The following CAMTA1 variants were observed in gnomAD, a reference collection of about 807,000 sequenced individuals.
CAMTA1 encodes calmodulin-binding transcription activator 1.
Under a neutral mutation model 170.9 loss-of-function variants are expected in CAMTA1, and 27 were observed. The observed-to-expected ratio is 0.16, with a 90% CI of 0.12 to 0.22. The LOEUF (loss-of-function observed/expected upper bound fraction) is 0.22. Ranked by LOEUF, CAMTA1 falls within the 10% of genes least tolerant of loss-of-function variation. The pLI is 1.00. For missense variants in CAMTA1, 1,619 were observed against 2,217.2 expected, an observed-to-expected ratio of 0.73 and a Z score of 5.42; for synonymous variants, 833 against 891.5, an observed-to-expected ratio of 0.93 and a Z score of 1.17.
chr1:7,525,078 G>A (rs561460653), intron 6 of CAMTA1, among the ~76,000 whole-genome samples: 3 of 152,166 alleles, frequency 2.0e-5, no homozygotes, highest in East Asian at 1.9e-4. Flanking sequence ...CCGCCCCCGC[G>A]TCGGCCCCCG....
chr1:7,616,051 C>T (rs1308981498), intron 6 of CAMTA1, among the ~76,000 whole-genome samples: 2 of 152,172 alleles, frequency 1.3e-5, no homozygotes, highest in Non-Finnish European at 2.9e-5. Flanking sequence ...TCCCATTTAC[C>T]ACCCTTTTAA....
intron 5 of CAMTA1, among the ~76,000 whole-genome samples, chr1:7,258,694 C>A (rs1667755874): frequency 6.6e-6 from 1 of 152,172 alleles, no homozygotes; most frequent in African/African-American, 2.4e-5. Flanking sequence ...TAGCTCTGGC[C>A]ATCACTTGAC....
At chr1:7,032,332 T>C (rs150656272) in intron 3 of CAMTA1, among the ~76,000 whole-genome samples, 5 of 152,334 alleles carry the variant, frequency 3.3e-5, no homozygotes, top group Admixed American at 6.5e-5. Flanking sequence ...TTTATCTCTT[T>C]TGTTGGCTGG....
chr1:7,174,191 T>C (rs2148843049), intron 4 of CAMTA1, among the ~76,000 whole-genome samples: 1 of 152,302 alleles, frequency 6.6e-6, no homozygotes, highest in East Asian at 1.9e-4. Context: ...GGAAAATGGT[T>C]GTATTATTCT....
At chr1:6,808,118 T>A (rs1644736015) in intron 1 of CAMTA1, among the ~76,000 whole-genome samples, 1 of 151,796 alleles carries the variant, frequency 6.6e-6, no homozygotes, top group African/African-American at 2.4e-5. Flanking sequence ...TTCATGTGCA[T>A]ATGGGTAGGT....
chr1:6,890,468 T>G (rs1334593111), intron 3 of CAMTA1, among the ~76,000 whole-genome samples: 1 of 152,128 alleles, frequency 6.6e-6, no homozygotes, highest in Non-Finnish European at 1.5e-5. Context: ...CAGCTTGGGG[T>G]GGGCCTTCAG....
intron 4 of CAMTA1, among the ~76,000 whole-genome samples, chr1:7,103,078 G>T (rs1211392489): frequency 6.6e-6 from 1 of 152,070 alleles, no homozygotes; most frequent in Non-Finnish European, 1.5e-5. Flanking sequence ...TGCATGGGGT[G>T]GGGGAGGTTG....
chr1:7,340,035 A>G (rs2083680345), intron 5 of CAMTA1, among the ~76,000 whole-genome samples: 1 of 152,238 alleles, frequency 6.6e-6, no homozygotes, highest in Admixed American at 6.5e-5. Flanking sequence ...CCCAGGAATC[A>G]GCAAATTTTT....
intron 21 of CAMTA1, 110 bp downstream of exon 21, chr1:7,752,643 A>C: frequency 1.2e-6 from 1 of 814,342 alleles, no homozygotes; most frequent in Admixed American, 3.2e-5. Flanking sequence ...GCAGATAATC[A>C]GGGCAGACGT....
chr1:6,905,932 G>A (rs1046045726), intron 3 of CAMTA1, among the ~76,000 whole-genome samples: 1 of 152,102 alleles, frequency 6.6e-6, no homozygotes, highest in African/African-American at 2.4e-5. Flanking sequence ...CCTGCTGCTG[G>A]TTCTGTGCCT....
rs1456866199 is a variant in CAMTA1 at position 6,887,216 on chromosome 1, G to A, written c.234+62006G>A. On this transcript the variant is annotated intron_variant, in intron 3 of 22. Transcript: ENST00000303635. The surrounding 1 kb of genome is among the most constrained non-coding windows in gnomAD (Gnocchi z 4.1). ...AAACCCAAAACTTAAGTAGTTTGCT[G>A]AATATGCATAGTAAGTAAAAAAATT... is the stretch of plus-strand genomic sequence containing the variant. 6.6e-6 allele frequency among the ~76,000 whole-genome samples: 1 copy of A among 152,208 alleles called. No homozygotes were observed. Among genetic ancestry groups the A allele is most frequent in the African/African-American group, 2.4e-5 (1 of 41,454 alleles).
Position 6,965,457 on chromosome 1 carries a change from C to T in CAMTA1, c.235-125847C>T, listed in dbSNP as rs1403377009. Among the ~76,000 whole-genome samples the T allele has an allele frequency of 1.3e-5, 2 of 152,052 alleles. No individual in the cohort carries two copies. The highest frequency in any genetic ancestry group is 2.9e-5 in the Non-Finnish European group (2 of 68,018). On this transcript the variant is annotated intron_variant, in intron 3 of 22. Coordinates refer to ENST00000303635, the MANE Select transcript of CAMTA1 (RefSeq NM_015215.4). This position sits in a 1 kb window ranked among gnomAD's most constrained non-coding sequence, Gnocchi z 4.1. ...GACCAAAGGTAATGCATTTCAGCTG[C>T]CTGTGGGGGAAGGTAAATGTGGTTT...
At chr1:6,974,690 G>A (rs1693110683) in intron 3 of CAMTA1, among the ~76,000 whole-genome samples, 1 of 152,212 alleles carries the variant, frequency 6.6e-6, no homozygotes, top group African/African-American at 2.4e-5. Context: ...GACAGTCTGT[G>A]CATCCAGACT....
chr1:7,446,827 G>C (rs996356427), intron 5 of CAMTA1, among the ~76,000 whole-genome samples: 8 of 152,194 alleles, frequency 5.3e-5, no homozygotes, highest in Admixed American at 5.2e-4. Context: ...GTGCTCCCCT[G>C]GGGTTCTGTG....
intron 11 of CAMTA1, among the ~76,000 whole-genome samples, chr1:7,711,184 A>T (rs116357402): frequency 8.5e-5 from 13 of 152,288 alleles, no homozygotes; most frequent in Non-Finnish European, 1.6e-4. Context: ...TATCCTTACA[A>T]GGTGGAAAGA....
chr1:7,359,207 C>T (rs1343064173), intron 5 of CAMTA1, among the ~76,000 whole-genome samples: 1 of 151,508 alleles, frequency 6.6e-6, no homozygotes, highest in Non-Finnish European at 1.5e-5. Context: ...TCCAGTGAGT[C>T]TCTGGAGACC....
chr1:6,795,849 C>T (rs1199923714), intron 1 of CAMTA1, among the ~76,000 whole-genome samples: 2 of 152,118 alleles, frequency 1.3e-5, no homozygotes, highest in African/African-American at 4.8e-5. Flanking sequence ...GGCACATGCA[C>T]AAATCAGTTT....
chr1:7,269,027 G>T (rs928930471), intron 5 of CAMTA1, among the ~76,000 whole-genome samples: 1 of 152,208 alleles, frequency 6.6e-6, no homozygotes, highest in Admixed American at 6.5e-5. Context: ...GTTATCTATT[G>T]ATATGTAACA....
In CAMTA1 at chr1:7,768,483, C is replaced by T. The variant is rs984270659; in HGVS notation, c.*1992C>T. On this transcript the variant is annotated 3_prime_UTR_variant, in exon 23 of 23. Transcript: ENST00000303635. ...TAAAACTCAAGGCTTGTTGTGAAGC[C>T]TAAAAATATTCACAAATAAGCTTTT... 6.5e-6 allele frequency: 1 copy of T among 152,682 alleles called. No homozygotes were observed. The highest frequency in any genetic ancestry group is 1.5e-5 in the Non-Finnish European group (1 of 68,026). 9.5% of individuals were successfully genotyped at this position (152,682 alleles called of 1,614,324 possible). A position where few individuals can be genotyped will look rare whatever the true frequency, so the allele number is the denominator to read the frequency against.
Sources: gnomAD v4.1 joint callset for allele counts (sites outside exome capture counted in the v4.1 genomes callset) on GRCh38, gnomAD v4.1.1 for gene constraint, Gnocchi (gnomAD v3.1) non-coding constraint, MANE v1.5 for transcripts, NCBI Gene and HGNC (gene_info 2026-07-23, HGNC 2026-07-21) for gene names.